SENP7: variants seen among roughly 807,000 people sequenced by gnomAD.
SENP7 encodes the protein SUMO specific peptidase 7, also known as sentrin-specific protease 7.
SENP7 carries 64 observed loss-of-function variants against 141.2 expected under a neutral mutation model. The ratio of observed to expected loss-of-function variants is 0.45; its 90% CI spans 0.37 to 0.56. The LOEUF (loss-of-function observed/expected upper bound fraction) is 0.56, where lower values mean the gene tolerates loss of function less well. Among genes scored for constraint, SENP7 ranks in the 20% least tolerant of loss-of-function variants. SENP7 has a pLI of 0.00. For synonymous variants in SENP7, 382 were observed against 426.4 expected, an observed-to-expected ratio of 0.90 and a Z score of 1.28; for missense variants, 1,025 against 1,212.2, an observed-to-expected ratio of 0.85 and a Z score of 2.29.
rs973369344 is a variant in SENP7, at chr3:101,458,173, T to C, written c.284+782A>G. ...AAAAGGCTCATAAACTGCTATGGAG[T>C]CACCAATATATGTTTATATTTCCTA... is the stretch of plus-strand genomic sequence containing the variant. On this transcript the variant is annotated intron_variant, in intron 4 of 23. Coordinates refer to ENST00000394095, the MANE Select transcript of SENP7 (RefSeq NM_020654.5). Among the ~76,000 whole-genome samples the C allele has an allele frequency of 3.3e-5, 5 of 152,096 alleles. 1 individual carries two copies. The highest frequency in any genetic ancestry group is 7.3e-5 in the Non-Finnish European group (5 of 68,030).
At chr3:101,334,567 A>T (rs1400954988) in intron 17 of SENP7, among the ~76,000 whole-genome samples, 9 of 152,226 alleles carry the variant, frequency 5.9e-5, no homozygotes, top group Admixed American at 5.9e-4. Flanking sequence ...GAATGAGCTA[A>T]AAGATTTGAC....
chr3:101,379,355 C>G (rs2060430150), intron 6 of SENP7, among the ~76,000 whole-genome samples: 1 of 152,074 alleles, frequency 6.6e-6, no homozygotes, highest in Non-Finnish European at 1.5e-5. Context: ...AACAAAAGCA[C>G]AGTCAACTAA....
intron 11 of SENP7, among the ~76,000 whole-genome samples, chr3:101,355,980 G>A (rs1451520996): frequency 6.6e-6 from 1 of 151,886 alleles, no homozygotes; most frequent in Non-Finnish European, 1.5e-5. Flanking sequence ...AATTGTGAGT[G>A]GGATTGCATT....
At chr3:101,495,945 T>C (rs948433902) in intron 2 of SENP7, among the ~76,000 whole-genome samples, 3 of 152,202 alleles carry the variant, frequency 2.0e-5, no homozygotes, top group Non-Finnish European at 4.4e-5. Context: ...TACTTATGCC[T>C]AACACAGTGT....
At chr3:101,403,608 T>C (rs572767022) in intron 5 of SENP7, among the ~76,000 whole-genome samples, 1 of 152,172 alleles carries the variant, frequency 6.6e-6, no homozygotes, top group Admixed American at 6.5e-5. Flanking sequence ...AGGAAACTCT[T>C]GAAAATATCC....
At chr3:101,512,959 G>A (rs1457498526) in intron 1 of SENP7, 132 bp downstream of exon 1, 1 of 980,100 alleles carries the variant, frequency 1.0e-6, no homozygotes, top group Non-Finnish European at 1.6e-6. Flanking sequence ...CTTCCATTGT[G>A]CGCGCCCCTT....
In SENP7 at chr3:101,400,905, G is replaced by C. The variant is rs568290841; in HGVS notation, c.483-1850C>G. On this transcript the variant is annotated intron_variant, in intron 5 of 23. Transcript: ENST00000394095. ...AGGCCAGGAGACTGAGGCCAGCCTG[G>C]GAAACACGGCAAGACTCCATCTCTA... 2.6e-5 allele frequency among the ~76,000 whole-genome samples: 4 copies of C among 151,954 alleles called. No homozygotes were observed. In the South Asian group the frequency reaches 8.3e-4, roughly 32 times the overall value.
In SENP7 at chr3:101,425,396, G is replaced by A. The variant is rs74471935; in HGVS notation, c.285-7606C>T. Among the ~76,000 whole-genome samples the A allele has an allele frequency of 3.4e-3, 515 of 152,254 alleles. 2 individuals are homozygous for A. The highest frequency in any genetic ancestry group is 0.012 in the African/African-American group (484 of 41,552). ...GAGCACACAGTCCAGGAGAAGTTGG[G>A]AGCTGAGCACTGGTACCCTAAAATC... is the stretch of plus-strand genomic sequence containing the variant. On this transcript the variant is annotated intron_variant, in intron 4 of 23. Coordinates refer to ENST00000394095, the MANE Select transcript of SENP7 (RefSeq NM_020654.5).
chr3:101,500,266 T>C (rs894447372), intron 2 of SENP7, among the ~76,000 whole-genome samples: 2 of 152,164 alleles, frequency 1.3e-5, no homozygotes, highest in African/African-American at 4.8e-5. Context: ...AAAAAAATTA[T>C]CTCTATATGC....
In SENP7 at chr3:101,371,505, A is replaced by G. The variant is rs568391243; in HGVS notation, c.796+503T>C. Among the ~76,000 whole-genome samples the G allele has an allele frequency of 1.7e-4, 26 of 152,340 alleles. No homozygotes were observed. The South Asian group carries it at 5.2e-3, about 30-fold the overall frequency. On this transcript the variant is annotated intron_variant, in intron 7 of 23. Transcript: ENST00000394095. ...GAGGCAAAAAAGAAAAAGAAGTCGA[A>G]TCATAAATCCTATATGCAAGGAGGC...
intron 1 of SENP7, among the ~76,000 whole-genome samples, chr3:101,504,752 C>T (rs2065526599): frequency 6.6e-6 from 1 of 152,224 alleles, no homozygotes; most frequent in African/African-American, 2.4e-5. Context: ...AGATTAGAAG[C>T]TCACACCTAT....
At chr3:101,506,132 C>T (rs9865059) in intron 1 of SENP7, among the ~76,000 whole-genome samples, 60,041 of 151,516 alleles carry the variant, frequency 0.4, 12,416 homozygotes, top group Admixed American at 0.54. Flanking sequence ...GCGATTCTCC[C>T]GCTTCAGCCT....
At chr3:101,357,631 C>T (rs1022500461) in intron 11 of SENP7, 21 of 827,064 alleles carry the variant, frequency 2.5e-5, no homozygotes, top group African/African-American at 1.0e-4. Context: ...TGCACAAAAG[C>T]GGTTATAATG....
chr3:101,386,788 C>T (rs145388530), intron 6 of SENP7, among the ~76,000 whole-genome samples: 18 of 152,364 alleles, frequency 1.2e-4, no homozygotes, highest in Non-Finnish European at 2.1e-4. Flanking sequence ...AGCAACCCAG[C>T]TCCCTCCAGG....
chr3:101,503,252 A>C (rs1323158736), intron 1 of SENP7, among the ~76,000 whole-genome samples: 2 of 152,250 alleles, frequency 1.3e-5, no homozygotes, highest in African/African-American at 4.8e-5. Flanking sequence ...AAAAAGATTG[A>C]CAACACCAAA....
intron 4 of SENP7, among the ~76,000 whole-genome samples, chr3:101,427,299 G>T (rs2061993417): frequency 6.6e-6 from 1 of 151,886 alleles, no homozygotes; most frequent in African/African-American, 2.4e-5. Flanking sequence ...GACCAGCCTG[G>T]GCAACATGGC....
At chr3:101,463,396 T>TACATATATATATATATATATATATAC (rs2063645997) in intron 3 of SENP7, among the ~76,000 whole-genome samples, 3 of 82,860 alleles carry the variant, frequency 3.6e-5, no homozygotes, top group African/African-American at 1.8e-4. Flanking sequence ...TATATATATA[T>TACATATATATATATATATATATATAC]ACATATATAT....
intron 3 of SENP7, among the ~76,000 whole-genome samples, chr3:101,477,970 T>C (rs1174185837): frequency 1.3e-5 from 2 of 151,796 alleles, no homozygotes; most frequent in Admixed American, 1.3e-4. Context: ...TTTTTAAAGA[T>C]AATCTTGATA....
intron 17 of SENP7, 107 bp downstream of exon 17, chr3:101,337,402 G>T: frequency 1.4e-6 from 1 of 712,630 alleles, no homozygotes; most frequent in Non-Finnish European, 2.2e-6. Context: ...TGAACAAATG[G>T]TAGTACTGCC....
Sources: allele counts gnomAD v4.1 joint callset (sites outside exome capture counted in the v4.1 genomes callset), GRCh38; gene constraint gnomAD v4.1.1; transcripts MANE v1.5; gene names NCBI Gene and HGNC (gene_info 2026-07-23, HGNC 2026-07-21).